Variants in FAXC observed in about 807,000 individuals in gnomAD.
FAXC encodes the protein failed axon connections homolog.
FAXC carries 10 observed loss-of-function variants against 41.9 expected under a neutral mutation model. That is an observed-to-expected ratio of 0.24 (90% confidence interval 0.15 to 0.41). FAXC has a LOEUF of 0.41. Ranked by LOEUF, FAXC falls within the 10% of genes least tolerant of loss-of-function variation. The pLI, the probability that FAXC is intolerant of heterozygous loss-of-function variation, is 1.00. For missense variants in FAXC, 399 were observed against 510.9 expected, an observed-to-expected ratio of 0.78 and a Z score of 2.11; for synonymous variants, 183 against 183.8, an observed-to-expected ratio of 1.00 and a Z score of 0.03.
intron 1 of FAXC, among the ~76,000 whole-genome samples, chr6:99,346,034 T>C (rs1163559341): frequency 1.3e-5 from 2 of 152,236 alleles, no homozygotes; most frequent in Non-Finnish European, 2.9e-5. Context: ...TAAGGTTATG[T>C]CTATGCAGCA....
chr6:99,349,023 T>C, intron 1 of FAXC, 84 bp downstream of exon 1: 3 of 1,348,138 alleles, frequency 2.2e-6, no homozygotes, highest in Non-Finnish European at 3.1e-6. Context: ...ACCGAGGGGC[T>C]GGCACGGGCC....
At chr6:99,317,459 A>C (rs1772403322) in intron 4 of FAXC, among the ~76,000 whole-genome samples, 1 of 152,236 alleles carries the variant, frequency 6.6e-6, no homozygotes, top group Non-Finnish European at 1.5e-5. Flanking sequence ...AGTCGTGGCA[A>C]TTTTAGAAAA....
intron 4 of FAXC, among the ~76,000 whole-genome samples, chr6:99,318,921 T>C (rs1009441639): frequency 6.6e-6 from 1 of 152,102 alleles, no homozygotes; most frequent in Non-Finnish European, 1.5e-5. Flanking sequence ...AAACCTCACC[T>C]CTCTGTTTTT....
At chr6:99,290,640 T>C (rs973132910) in intron 5 of FAXC, among the ~76,000 whole-genome samples, 3 of 150,466 alleles carry the variant, frequency 2.0e-5, no homozygotes, top group Non-Finnish European at 3.0e-5. Context: ...AGGCGGAGGT[T>C]GTAGTGAGCC....
In FAXC at chr6:99,281,138, A is replaced by G. The variant is rs767050350; in HGVS notation, c.*26T>C. 3.7e-6 allele frequency: 4 copies of G among 1,083,758 alleles called. No homozygotes were observed. Among genetic ancestry groups the G allele is most frequent in the Admixed American group, 3.4e-5 (2 of 59,024 alleles). The allele number at this position is 1,083,758 out of a possible 1,614,324, so 67.1% of individuals were successfully genotyped here. A position where few individuals can be genotyped will look rare whatever the true frequency, so the allele number is the denominator to read the frequency against. On this transcript the variant is annotated 3_prime_UTR_variant, in exon 6 of 6. Coordinates refer to ENST00000389677, the MANE Select transcript of FAXC (RefSeq NM_032511.4). ...CCGACCCAGGGAGTGGCAGGTCCCAAGGAAGAGGGTCAGTGAGGCTGGACG... is the reference window on the plus strand; with the variant it reads ...CCGACCCAGGGAGTGGCAGGTCCCAGGGAAGAGGGTCAGTGAGGCTGGACG...
At chr6:99,344,923 C>T (rs1582693954) in intron 1 of FAXC, among the ~76,000 whole-genome samples, 1 of 152,260 alleles carries the variant, frequency 6.6e-6, no homozygotes, top group East Asian at 1.9e-4. Flanking sequence ...TAATTATCTA[C>T]CAAGCATATG....
Position 99,349,327 on chromosome 6 carries a change from C to A in FAXC, c.46G>T (p.Asp16Tyr), listed in dbSNP as rs1291206518. The change falls in exon 1 of 6, where the codon GAT (aspartate) becomes TAT (tyrosine). Residue 16 changes from aspartate (D) to tyrosine (Y), a missense_variant. By Grantham distance (160) the Asp-to-Tyr change is radical (BLOSUM62 -3). Transcript: ENST00000389677. The stretch of plus-strand genomic sequence containing the variant: ...GAGATGCTCTGGTTCCAGCTCAGAT[C>A]CACCACGCACGGCCTGGACGAAGCA... ...GFASSRPCVVDLSWNQSISFF... is the reference protein window; with the variant it reads ...GFASSRPCVVYLSWNQSISFF... 1 of 1,612,946 alleles carries A rather than the reference C, an allele frequency of 6.2e-7. No individual in the cohort carries two copies. Among genetic ancestry groups the A allele is most frequent in the Non-Finnish European group, 8.5e-7 (1 of 1,179,922 alleles).
At chr6:99,337,647 C>A (rs1773261678) in intron 2 of FAXC, among the ~76,000 whole-genome samples, 1 of 152,048 alleles carries the variant, frequency 6.6e-6, no homozygotes. Context: ...AAAAATTAAC[C>A]ACATCCCCAG....
At chr6:99,286,766 A>T (rs1771042930) in intron 5 of FAXC, among the ~76,000 whole-genome samples, 1 of 152,234 alleles carries the variant, frequency 6.6e-6, no homozygotes, top group South Asian at 2.1e-4. Context: ...TCCCTGATGA[A>T]AATATCAAAT....
intron 1 of FAXC, 22 bp from the exon 2 acceptor site, chr6:99,343,055 T>C: frequency 1.9e-6 from 3 of 1,590,184 alleles, no homozygotes; most frequent in Admixed American, 1.8e-5. Flanking sequence ...AAAACAGAAA[T>C]AAAGTACAAT....
rs202072054 is a variant in FAXC at position 99,291,827 on chromosome 6, T to G, written c.824-7A>C. The G allele has an allele frequency of 2.8e-5, 45 of 1,599,362 alleles. No individual in the cohort carries two copies. The highest frequency in any genetic ancestry group is 8.3e-5 in the Admixed American group (5 of 59,972). On this transcript the variant is annotated splice_region_variant and splice_polypyrimidine_tract_variant and intron_variant, in intron 4 of 5. Coordinates refer to ENST00000389677, the MANE Select transcript of FAXC (RefSeq NM_032511.4). ...ATGATGTACTTCTTATCACCTGCAGTAAATAAAGCAGAGAAGTCAATGGGC... is the reference window on the plus strand; with the variant it reads ...ATGATGTACTTCTTATCACCTGCAGGAAATAAAGCAGAGAAGTCAATGGGC...
intron 4 of FAXC, among the ~76,000 whole-genome samples, chr6:99,313,505 T>C (rs1772224045): frequency 6.6e-6 from 1 of 152,210 alleles, no homozygotes; most frequent in Non-Finnish European, 1.5e-5. Context: ...CTTTCAACTT[T>C]AAATATGGCA....
At chr6:99,336,978 C>T (rs184837609) in intron 2 of FAXC, among the ~76,000 whole-genome samples, 1 of 152,302 alleles carries the variant, frequency 6.6e-6, no homozygotes, top group Admixed American at 6.5e-5. Flanking sequence ...ATAATTTGAG[C>T]AGTCTGTGTG....
intron 4 of FAXC, among the ~76,000 whole-genome samples, chr6:99,294,203 G>A (rs1771373814): frequency 6.6e-6 from 1 of 152,134 alleles, no homozygotes; most frequent in Non-Finnish European, 1.5e-5. Context: ...CAAATACTGG[G>A]GGGAATCCAG....
intron 2 of FAXC, among the ~76,000 whole-genome samples, chr6:99,342,316 A>T (rs1246746615): frequency 1.3e-5 from 2 of 152,046 alleles, no homozygotes; most frequent in African/African-American, 4.8e-5. Context: ...AAGGCTCAGT[A>T]GGCCTGTCCA....
intron 4 of FAXC, among the ~76,000 whole-genome samples, chr6:99,294,288 T>G (rs931248952): frequency 6.6e-5 from 10 of 152,206 alleles, no homozygotes; most frequent in African/African-American, 2.4e-4. Flanking sequence ...GTGTTACTCC[T>G]GAGGGTGCAT....
chr6:99,327,171 G>T (rs1437870721), intron 3 of FAXC, among the ~76,000 whole-genome samples: 2 of 152,172 alleles, frequency 1.3e-5, no homozygotes, highest in Non-Finnish European at 2.9e-5. Flanking sequence ...CAGTGTCAGG[G>T]AAGAGAAGTA....
At chr6:99,318,347 T>G (rs574095462) in intron 4 of FAXC, among the ~76,000 whole-genome samples, 1 of 151,668 alleles carries the variant, frequency 6.6e-6, no homozygotes, top group Non-Finnish European at 1.5e-5. Flanking sequence ...CAAATATGTA[T>G]ATATAGATGA....
At chr6:99,341,158 A>G (rs1773414245) in intron 2 of FAXC, among the ~76,000 whole-genome samples, 1 of 151,894 alleles carries the variant, frequency 6.6e-6, no homozygotes, top group South Asian at 2.1e-4. Flanking sequence ...AGTAACTACA[A>G]TAACAACAAA....
Sources: gnomAD v4.1 joint callset for allele counts (sites outside exome capture counted in the v4.1 genomes callset) on GRCh38, gnomAD v4.1.1 for gene constraint, MANE v1.5 for transcripts, NCBI Gene and HGNC (gene_info 2026-07-23, HGNC 2026-07-21) for gene names.